The following CACNA1I variants were observed in gnomAD, a reference collection of about 807,000 sequenced individuals.
CACNA1I encodes the protein calcium voltage-gated channel subunit alpha1 I.
Under a neutral mutation model 201.6 loss-of-function variants are expected in CACNA1I, and 74 were observed. The ratio of observed to expected loss-of-function variants is 0.37; its 90% CI spans 0.30 to 0.45. The LOEUF is 0.45. Among genes scored for constraint, CACNA1I ranks in the 20% least tolerant of loss-of-function variants. CACNA1I has a pLI of 1.00. For synonymous variants in CACNA1I, 1,431 were observed against 1,345.2 expected (o/e 1.06, Z -1.40); for missense variants, 2,346 against 3,138.1 (o/e 0.75, Z 6.03).
Position 39,598,274 on chromosome 22 carries a change from GC to G in CACNA1I, c.348+16del. 1 of 1,311,224 alleles carries G rather than the reference GC, an allele frequency of 7.6e-7. No homozygotes were observed. Among genetic ancestry groups the G allele is most frequent in the Non-Finnish European group, 1.0e-6 (1 of 971,816 alleles). The allele number at this position is 1,311,224 out of a possible 1,614,324, so 81.2% of individuals were successfully genotyped here. A position where few individuals can be genotyped will look rare whatever the true frequency, so the allele number is the denominator to read the frequency against. ...GCAAGATCCTGCAGGTGAGCCGGCCGCCCCGCCCCGCCCCGCCCTGCCCTCA... is the reference window on the plus strand; with the variant it reads ...GCAAGATCCTGCAGGTGAGCCGGCCGCCCGCCCCGCCCCGCCCTGCCCTCA... On this transcript the variant is annotated intron_variant, in intron 2 of 36. Coordinates refer to ENST00000402142, the MANE Select transcript of CACNA1I (RefSeq NM_021096.4).
intron 25 of CACNA1I, among the ~76,000 whole-genome samples, chr22:39,670,488 G>T (rs561416270): frequency 1.8e-4 from 27 of 152,198 alleles, no homozygotes; most frequent in Non-Finnish European, 3.7e-4. Flanking sequence ...TAGGGCAAAG[G>T]CAGACCCTGG....
In CACNA1I at chr22:39,679,844, G is replaced by A; in HGVS notation, c.5517G>A (p.Lys1839=). The change falls in exon 33 of 37, where the codon AAG becomes AAA. Residue 1839 remains lysine (K), a synonymous_variant. Transcript: ENST00000402142. The stretch of plus-strand genomic sequence containing the variant: ...ACTACTCCTCGCCTGCCGGCTGCAA[G>A]AAGTGTCACCACGACAAGCAAGAGG... ...FHHYSSPAGC[K]KCHHDKQEVQ... The A allele has an allele frequency of 2.5e-6, 4 of 1,612,730 alleles. No individual in the cohort carries two copies. The highest frequency in any genetic ancestry group is 3.4e-6 in the Non-Finnish European group (4 of 1,179,504).
chr22:39,664,822 G>A lies in CACNA1I; in HGVS notation c.3750G>A (p.Val1250=). The A allele has an allele frequency of 6.2e-7, 1 of 1,613,150 alleles. No homozygotes were observed. The highest frequency in any genetic ancestry group is 8.5e-7 in the Non-Finnish European group (1 of 1,179,778). Residue 1250 remains valine (V), a synonymous_variant, in exon 21 of 37, where the codon GTG becomes GTA. Coordinates refer to ENST00000402142, the MANE Select transcript of CACNA1I (RefSeq NM_021096.4). The stretch of plus-strand genomic sequence containing the variant: ...TGCTGGATGGCTTTCTTGTCTTCGT[G>A]TCCATCATCGACATCGTGGTGTCCC... ...WNVLDGFLVF[V]SIIDIVVSLA...
chr22:39,673,005 A>G lies in CACNA1I; in HGVS notation c.4706A>G (p.Glu1569Gly). Residue 1569 changes from glutamate to glycine, a missense_variant, in exon 28 of 37, where the codon GAG (glutamate) becomes GGG (glycine). Transcript: ENST00000402142. ...VLLSVMGITL[E>G]EIEINAALPI... ...CTGTCAGTCATGGGCATCACCCTGG[A>G]GGAGATCGAGATCAATGCGGCCCTG... The G allele has an allele frequency of 6.2e-7, 1 of 1,613,832 alleles. No individual in the cohort carries two copies. Among genetic ancestry groups the G allele is most frequent in the Non-Finnish European group, 8.5e-7 (1 of 1,179,808 alleles).
intron 5 of CACNA1I, among the ~76,000 whole-genome samples, chr22:39,636,668 G>C (rs1934227365): frequency 6.6e-6 from 1 of 152,184 alleles, no homozygotes; most frequent in Non-Finnish European, 1.5e-5. Context: ...TGGTAACCAG[G>C]GTTCACAAAG....
chr22:39,645,915 C>T (rs1023514418), intron 7 of CACNA1I, among the ~76,000 whole-genome samples: 2 of 152,232 alleles, frequency 1.3e-5, no homozygotes, highest in Non-Finnish European at 1.5e-5. Flanking sequence ...GGCAGCTTCT[C>T]TTTTCTCATC....
intron 3 of CACNA1I, among the ~76,000 whole-genome samples, chr22:39,610,127 C>G (rs1289823812): frequency 6.6e-6 from 1 of 152,156 alleles, no homozygotes; most frequent in Non-Finnish European, 1.5e-5. Context: ...GCCCAGGGGA[C>G]CCTTCTGGTT....
chr22:39,681,331 CG>C (rs1045280397), intron 34 of CACNA1I, among the ~76,000 whole-genome samples: 2 of 152,304 alleles, frequency 1.3e-5, no homozygotes, highest in South Asian at 2.1e-4. Context: ...GTCCATTCCA[CG>C]GGGGGTCATC....
chr22:39,669,171 C>T (rs1274796784), intron 24 of CACNA1I, among the ~76,000 whole-genome samples: 1 of 152,152 alleles, frequency 6.6e-6, no homozygotes, highest in East Asian at 1.9e-4. Context: ...AAGACAGGGC[C>T]CACTCAGTGG....
intron 3 of CACNA1I, among the ~76,000 whole-genome samples, chr22:39,616,341 C>T (rs1322745959): frequency 2.0e-5 from 3 of 152,186 alleles, no homozygotes; most frequent in African/African-American, 7.2e-5. Flanking sequence ...TGTTCAGATC[C>T]TAAAGTTACT....
At chr22:39,662,662 G>T in intron 17 of CACNA1I, 114 bp from the exon 18 acceptor site, 3 of 794,040 alleles carry the variant, frequency 3.8e-6, no homozygotes. Flanking sequence ...TGCCCCCGGG[G>T]GGCAGAGAGT....
chr22:39,684,676 C>G lies in CACNA1I; in HGVS notation c.6027+178C>G. ...GCTGAGACTGGAGGGGGAGGTGGCA[C>G]TGGGGCGGATGGAGTGGGCGGGGCT... On this transcript the variant is annotated intron_variant, in intron 36 of 36. Coordinates refer to ENST00000402142, the MANE Select transcript of CACNA1I (RefSeq NM_021096.4). This position sits in a 1 kb window ranked among gnomAD's most constrained non-coding sequence, Gnocchi z 4.6. 1.8e-6 allele frequency: 1 copy of G among 547,644 alleles called. No homozygotes were observed. 33.9% of individuals were successfully genotyped at this position (547,644 alleles called of 1,614,324 possible). A position where few individuals can be genotyped will look rare whatever the true frequency, so the allele number is the denominator to read the frequency against.
chr22:39,605,864 G>T (rs1356633852), intron 3 of CACNA1I, among the ~76,000 whole-genome samples: 1 of 152,102 alleles, frequency 6.6e-6, no homozygotes, highest in Non-Finnish European at 1.5e-5. Context: ...AAAGGTGAGT[G>T]ACAGGGGATG....
rs1343508863 is a variant in CACNA1I, at chr22:39,646,647, C to T, written c.1228C>T (p.Arg410Trp). 9 of 1,574,688 alleles carry T rather than the reference C, an allele frequency of 5.7e-6. No individual in the cohort carries two copies. The highest frequency in any genetic ancestry group is 2.4e-5 in the East Asian group (1 of 42,546). ...QFSETKQREH[R>W]LMLEQRQRYL... Reference sequence around the variant, plus strand: ...CTCGGAGACCAAGCAACGGGAGCACCGGCTGATGCTGGAGCAGCGGCAGCG... The same window carrying T: ...CTCGGAGACCAAGCAACGGGAGCACTGGCTGATGCTGGAGCAGCGGCAGCG... The change falls in exon 8 of 37, where the codon CGG (arginine) becomes TGG (tryptophan). Residue 410 changes from arginine to tryptophan, a missense_variant. This residue lies in a region of CACNA1I where 227 missense variants were observed against 412.5 expected (regional missense o/e 0.55). Transcript: ENST00000402142.
chr22:39,587,284 T>C (rs2145812229), intron 1 of CACNA1I, among the ~76,000 whole-genome samples: 1 of 152,318 alleles, frequency 6.6e-6, no homozygotes, highest in Admixed American at 6.5e-5. Context: ...TGCCCCCTCC[T>C]GAAAAGGATC....
chr22:39,651,421 G>A (rs1172037950), intron 10 of CACNA1I, among the ~76,000 whole-genome samples: 3 of 152,130 alleles, frequency 2.0e-5, no homozygotes, highest in African/African-American at 4.8e-5. Flanking sequence ...CTGCTCATTT[G>A]CCAGCCATTC....
At chr22:39,650,072 A>T in intron 10 of CACNA1I, 147 bp downstream of exon 10, 1 of 822,316 alleles carries the variant, frequency 1.2e-6, no homozygotes, top group Non-Finnish European at 1.9e-6. Flanking sequence ...CAGTTCATCC[A>T]TGTGACCTTA....
At chr22:39,627,123 C>T (rs970340309) in intron 4 of CACNA1I, among the ~76,000 whole-genome samples, 8 of 152,160 alleles carry the variant, frequency 5.3e-5, no homozygotes, top group South Asian at 2.1e-4. Flanking sequence ...CGCCAGACAC[C>T]CACTCCCGTC....
In CACNA1I at chr22:39,670,245, G is replaced by C. The variant is rs746990259; in HGVS notation, c.4387+15G>C. 14 of 1,607,158 alleles carry C rather than the reference G, an allele frequency of 8.7e-6. No individual in the cohort carries two copies. The African/African-American group carries it at 1.9e-4, about 21-fold the overall frequency. Reference sequence around the variant, plus strand: ...GAAGCGCCGGAGTGAGTGGGTGCCTGTGGAGGGCGTGGGCCACCCAGCTCT... The same window carrying C: ...GAAGCGCCGGAGTGAGTGGGTGCCTCTGGAGGGCGTGGGCCACCCAGCTCT... On this transcript the variant is annotated intron_variant, in intron 25 of 36. Transcript: ENST00000402142.
Sources: allele counts gnomAD v4.1 joint callset (sites outside exome capture counted in the v4.1 genomes callset), GRCh38; gene constraint gnomAD v4.1.1; regional missense constraint gnomAD v4.1.1; non-coding constraint Gnocchi (gnomAD v3.1); transcripts MANE v1.5; gene names NCBI Gene and HGNC (gene_info 2026-07-23, HGNC 2026-07-21).